The following MROH1 variants were observed in gnomAD, a reference collection of about 807,000 sequenced individuals.
The protein encoded by MROH1 is maestro heat like repeat family member 1.
A neutral mutation model predicts 116.5 loss-of-function variants in MROH1; 117 were observed. The ratio of observed to expected loss-of-function variants is 1.00; its 90% confidence interval spans 0.86 to 1.17. MROH1 has a LOEUF of 1.17. MROH1 is among the 50% of genes most tolerant of loss of function. The pLI is 0.00. For missense variants in MROH1, 1,873 were observed against 1,338.5 expected, an observed-to-expected ratio of 1.40 and a Z score of -6.23; for synonymous variants, 921 against 583.9, an observed-to-expected ratio of 1.58 and a Z score of -8.32.
intron 12 of MROH1, among the ~76,000 whole-genome samples, chr8:144,219,739 A>C (rs1384496430): frequency 6.6e-6 from 1 of 152,196 alleles, no homozygotes; most frequent in Non-Finnish European, 1.5e-5. Flanking sequence ...AGCATTAATT[A>C]GGGGAACATT....
chr8:144,170,625 G>A (rs756160028), intron 4 of MROH1, among the ~76,000 whole-genome samples: 4 of 152,242 alleles, frequency 2.6e-5, no homozygotes, highest in Non-Finnish European at 4.4e-5. Context: ...GAAAAGCAAT[G>A]CCACATCCCC....
chr8:144,255,183 C>T (rs1041178606), intron 34 of MROH1, among the ~76,000 whole-genome samples: 26 of 152,232 alleles, frequency 1.7e-4, no homozygotes, highest in South Asian at 8.3e-4. Flanking sequence ...TTTTATCCTG[C>T]GGAAAAAAAA....
At chr8:144,254,647 G>A in intron 33 of MROH1, 166 bp from the exon 34 acceptor site, 2 of 596,130 alleles carry the variant, frequency 3.4e-6, no homozygotes, top group South Asian at 4.0e-5. Context: ...TCAGGGGAAG[G>A]GGTGAGCTCA....
intron 43 of MROH1, 111 bp downstream of exon 43, chr8:144,261,460 C>T: frequency 1.4e-6 from 1 of 697,954 alleles, no homozygotes. Context: ...TCACTGGTGA[C>T]CTCATCGTCT....
At position 144,240,043 on chromosome 8, in the gene MROH1, G is replaced by A. The variant is rs1840703812; in HGVS notation, c.1775-58G>A. ...TCCCCAGCTCCAGGGCAGGTGCTGG[G>A]CTCTGAGCCCCACTGGTGCGTTTTG... On this transcript the variant is annotated intron_variant, in intron 18 of 43. Transcript: ENST00000326134. 1.9e-5 allele frequency: 14 copies of A among 747,480 alleles called. No individual in the cohort carries two copies. The Middle Eastern group carries it at 7.2e-4, about 38-fold the overall frequency. 46.3% of individuals were successfully genotyped at this position (747,480 alleles called of 1,614,324 possible). A position where few individuals can be genotyped will look rare whatever the true frequency, so the allele number is the denominator to read the frequency against.
chr8:144,163,969 A>C lies in MROH1; in HGVS notation c.22+121A>C. 5.8e-6 allele frequency: 6 copies of C among 1,027,170 alleles called. No homozygotes were observed. Among genetic ancestry groups the C allele is most frequent in the Non-Finnish European group, 8.5e-6 (6 of 702,362 alleles). The allele number at this position is 1,027,170 out of a possible 1,614,324, so 63.6% of individuals were successfully genotyped here. Reference sequence around the variant, plus strand: ...CTAGAGTTTCCACCCTATACTCGGGAGCCTGAGTGGGTTCTGGGCAGGTTG... The same window carrying C: ...CTAGAGTTTCCACCCTATACTCGGGCGCCTGAGTGGGTTCTGGGCAGGTTG... On this transcript the variant is annotated intron_variant, in intron 3 of 43. Coordinates refer to ENST00000326134, the MANE Select transcript of MROH1 (RefSeq NM_032450.3). The surrounding 1 kb of genome is among the most constrained non-coding windows in gnomAD (Gnocchi z 4.4).
chr8:144,191,574 C>A, intron 8 of MROH1, 141 bp from the exon 9 acceptor site: 1 of 1,153,844 alleles, frequency 8.7e-7, no homozygotes, highest in Non-Finnish European at 1.2e-6. Flanking sequence ...CCTCTGGGTG[C>A]TAGGCTCACG....
chr8:144,159,131 G>A (rs963806393), intron 1 of MROH1, among the ~76,000 whole-genome samples: 5 of 152,198 alleles, frequency 3.3e-5, no homozygotes, highest in Non-Finnish European at 7.3e-5. Flanking sequence ...GCTGAGGTGG[G>A]TGGATCACCT....
chr8:144,224,865 G>A (rs958387721), intron 14 of MROH1, among the ~76,000 whole-genome samples: 1 of 152,172 alleles, frequency 6.6e-6, no homozygotes, highest in Admixed American at 6.5e-5. Context: ...GGAGCAGGCA[G>A]GTGCAGGGCC....
intron 7 of MROH1, among the ~76,000 whole-genome samples, chr8:144,185,827 G>C (rs1292970172): frequency 2.4e-5 from 3 of 126,430 alleles, no homozygotes; most frequent in Non-Finnish European, 5.0e-5. Context: ...TCGAGGGGAC[G>C]TGAGGGGCAG....
Position 144,260,841 on chromosome 8 carries a change from C to A in MROH1, c.4536+9C>A. 2 of 777,876 alleles carry A rather than the reference C, an allele frequency of 2.6e-6. No individual in the cohort carries two copies. Among genetic ancestry groups the A allele is most frequent in the Admixed American group, 3.4e-5 (2 of 59,038 alleles). The allele number at this position is 777,876 out of a possible 1,614,324, so 48.2% of individuals were successfully genotyped here. A position where few individuals can be genotyped will look rare whatever the true frequency, so the allele number is the denominator to read the frequency against. On this transcript the variant is annotated intron_variant, in intron 40 of 43. Transcript: ENST00000326134. ...AGGCCACCGTGGCCAGCGTGAGTAG[C>A]CAGGGGGTGAGTGGGATGGGGTGGG...
intron 33 of MROH1, among the ~76,000 whole-genome samples, chr8:144,253,616 A>T (rs1367302876): frequency 3.3e-5 from 5 of 152,046 alleles, no homozygotes; most frequent in Non-Finnish European, 7.4e-5. Context: ...GTTTCCTGCC[A>T]GGTCATTTGC....
intron 7 of MROH1, 142 bp from the exon 8 acceptor site, chr8:144,190,641 TG>T: frequency 1.1e-6 from 1 of 929,824 alleles, no homozygotes; most frequent in Non-Finnish European, 1.6e-6. Context: ...TGTGTAGTCC[TG>T]GAGTTGTGTG....
chr8:144,158,094 G>A (rs1428041731), intron 1 of MROH1, among the ~76,000 whole-genome samples: 3 of 148,788 alleles, frequency 2.0e-5, no homozygotes, highest in African/African-American at 7.5e-5. Context: ...CTGGGTTCAA[G>A]CAATTCTCCT....
chr8:144,242,213 T>G (rs1484372280), intron 22 of MROH1, 156 bp from the exon 23 acceptor site: 2 of 736,620 alleles, frequency 2.7e-6, no homozygotes, highest in Admixed American at 3.7e-5. Context: ...ATCCCCAGAT[T>G]CAGGTGGTGC....
chr8:144,240,494 T>G (rs1840785366), intron 19 of MROH1, 76 bp from the exon 20 acceptor site: 2 of 707,894 alleles, frequency 2.8e-6, no homozygotes, highest in Non-Finnish European at 5.2e-6. Context: ...CCACAGCACA[T>G]GGGGATGTGC....
At chr8:144,250,529 GTC>G (rs1342681283) in intron 33 of MROH1, 163 bp downstream of exon 33, 4 of 689,908 alleles carry the variant, frequency 5.8e-6, no homozygotes, top group African/African-American at 3.5e-5. Flanking sequence ...CCAGGCCCCA[GTC>G]TCTCAGGTAC....
At chr8:144,202,754 GGTTGGGAGAGGAGCACCC>G in intron 12 of MROH1, among the ~76,000 whole-genome samples, 1 of 134,958 alleles carries the variant, frequency 7.4e-6, no homozygotes, top group East Asian at 2.4e-4. Context: ...TCTGCGGAGG[GGTTGGGAGAGGAGCACCC>G]GCTGTCTGTG....
chr8:144,189,743 C>T (rs1828089876), intron 7 of MROH1, among the ~76,000 whole-genome samples: 1 of 152,214 alleles, frequency 6.6e-6, no homozygotes, highest in South Asian at 2.1e-4. Context: ...TCTTCCCGCC[C>T]ACACTGTGCC....
Sources: allele counts gnomAD v4.1 joint callset (sites outside exome capture counted in the v4.1 genomes callset), GRCh38; gene constraint gnomAD v4.1.1; non-coding constraint Gnocchi (gnomAD v3.1); transcripts MANE v1.5; gene names NCBI Gene and HGNC (gene_info 2026-07-23, HGNC 2026-07-21).